CCDC138: variants seen among roughly 807,000 people sequenced by gnomAD.
CCDC138 encodes coiled-coil domain-containing protein 138.
CCDC138 carries 66 observed loss-of-function variants against 82.3 expected under a neutral mutation model. That is an observed-to-expected ratio of 0.80 (90% confidence interval 0.66 to 0.98). The LOEUF (loss-of-function observed/expected upper bound fraction) is 0.98. Among genes scored for constraint, CCDC138 ranks in the 50% least tolerant of loss-of-function variants. The pLI, the probability that CCDC138 is intolerant of heterozygous loss-of-function variation, is 0.00. For missense variants in CCDC138, 816 were observed against 758.9 expected (o/e 1.08, Z -0.88); for synonymous variants, 297 against 265.4 (o/e 1.12, Z -1.16).
At chr2:108,787,938 A>G in intron 1 of CCDC138, 94 bp from the exon 2 acceptor site, 1 of 1,079,856 alleles carries the variant, frequency 9.3e-7, no homozygotes, top group Non-Finnish European at 1.3e-6. Flanking sequence ...CTCCACTCTA[A>G]CCTTTGTAAT....
chr2:108,789,873 TAATGCTA>T (rs990136754), intron 3 of CCDC138, among the ~76,000 whole-genome samples: 3 of 152,218 alleles, frequency 2.0e-5, no homozygotes, highest in African/African-American at 7.2e-5. Flanking sequence ...GGATATTATT[TAATGCTA>T]AAAATATGTG....
intron 13 of CCDC138, among the ~76,000 whole-genome samples, chr2:108,862,797 G>T (rs140445412): frequency 1.5e-4 from 23 of 150,506 alleles, no homozygotes; most frequent in African/African-American, 5.4e-4. Flanking sequence ...GCCACCTTTT[G>T]TTTTTTTTTA....
intron 10 of CCDC138, among the ~76,000 whole-genome samples, chr2:108,834,458 A>C (rs892626606): frequency 6.7e-6 from 1 of 150,154 alleles, no homozygotes; most frequent in African/African-American, 2.5e-5. Flanking sequence ...TAGGTGATCC[A>C]CACGCCTTGG....
chr2:108,800,333 C>T (rs1681686238), intron 6 of CCDC138, among the ~76,000 whole-genome samples: 1 of 152,106 alleles, frequency 6.6e-6, no homozygotes, highest in Non-Finnish European at 1.5e-5. Flanking sequence ...GGCACGATCT[C>T]GGCTCACTAC....
rs112984553 is a variant in CCDC138 at position 108,822,996 on chromosome 2, T to A, written c.1206+6891T>A. Among the ~76,000 whole-genome samples the A allele has an allele frequency of 4.1e-3, 623 of 152,064 alleles. 7 individuals are homozygous for A. Among genetic ancestry groups the A allele is most frequent in the African/African-American group, 0.015 (603 of 41,492 alleles). ...AAGCAATGCCACAGAAATAAAAAGG[T>A]TTATAAGACAATGTTATCAACAATT... On this transcript the variant is annotated intron_variant, in intron 10 of 14. Coordinates refer to ENST00000295124, the MANE Select transcript of CCDC138 (RefSeq NM_144978.3).
Position 108,798,497 on chromosome 2 carries a change from G to A in CCDC138, c.646G>A (p.Glu216Lys). The A allele has an allele frequency of 6.2e-7, 1 of 1,613,960 alleles. No individual in the cohort carries two copies. The highest frequency in any genetic ancestry group is 8.5e-7 in the Non-Finnish European group (1 of 1,179,918). ...GCGAGAACGTTTTTTACTTGAAAGA[G>A]AACAACTGCTTTTCAGACATGAAAA... ...QKRERFLLER[E>K]QLLFRHENAL... is the part of the protein sequence containing the mutation. The change falls in exon 6 of 15, where the codon GAA (glutamate) becomes AAA (lysine). Residue 216 changes from glutamate to lysine, a missense_variant. Glu to Lys is a moderately conservative substitution (Grantham distance 56). Transcript: ENST00000295124.
chr2:108,833,120 G>A (rs1240724114), intron 10 of CCDC138, among the ~76,000 whole-genome samples: 1 of 152,208 alleles, frequency 6.6e-6, no homozygotes, highest in Non-Finnish European at 1.5e-5. Flanking sequence ...AGAAAGAGGA[G>A]CAGAGCACAG....
At chr2:108,837,357 C>T (rs962814667) in intron 10 of CCDC138, among the ~76,000 whole-genome samples, 2 of 152,136 alleles carry the variant, frequency 1.3e-5, no homozygotes, top group Non-Finnish European at 2.9e-5. Context: ...AAATGTTGAA[C>T]CGTCCTTGCA....
chr2:108,829,979 T>A (rs1197245600), intron 10 of CCDC138, among the ~76,000 whole-genome samples: 1 of 150,820 alleles, frequency 6.6e-6, no homozygotes, highest in African/African-American at 2.5e-5. Flanking sequence ...ACCAAGTTTA[T>A]AGCAAGATTA....
intron 11 of CCDC138, among the ~76,000 whole-genome samples, chr2:108,841,004 T>TTTTGTTTG (rs374254343): frequency 5.9e-4 from 89 of 151,598 alleles, no homozygotes; most frequent in African/African-American, 2.0e-3. Flanking sequence ...TGTGTGTGTT[T>TTTTGTTTG]TTTGTTTGTT....
chr2:108,858,965 C>G (rs140202179), intron 13 of CCDC138, among the ~76,000 whole-genome samples: 1 of 152,166 alleles, frequency 6.6e-6, no homozygotes, highest in Admixed American at 6.5e-5. Flanking sequence ...ATTTTGAATA[C>G]AGCTGCTGCA....
At chr2:108,869,076 G>A (rs9646951) in intron 13 of CCDC138, among the ~76,000 whole-genome samples, 6,731 of 151,626 alleles carry the variant, frequency 0.044, 217 homozygotes, top group Non-Finnish European at 0.07. Context: ...TATTGTACAT[G>A]CTCAAGCAGA....
chr2:108,857,141 C>T (rs1407419436), intron 13 of CCDC138, among the ~76,000 whole-genome samples, 171 bp downstream of exon 13: 3 of 120,594 alleles, frequency 2.5e-5, no homozygotes, highest in Admixed American at 1.2e-4. Flanking sequence ...TGCAGTGGCA[C>T]GATCTCAGCT....
Position 108,839,220 on chromosome 2 carries a change from G to A in CCDC138, c.1242G>A (p.Met414Ile), listed in dbSNP as rs1200855267. ...LPLMTEQLQWMPFVNIKLHEP... is the reference protein window; with the variant it reads ...LPLMTEQLQWIPFVNIKLHEP... ...TAATGACAGAGCAGCTACAGTGGAT[G>A]CCATTTGTGAATATCAAACTTCACG... The change falls in exon 11 of 15, where the codon ATG becomes ATA. Residue 414 changes from methionine to isoleucine, a missense_variant. Physicochemically the swap from Met to Ile is conservative, Grantham distance 10 (BLOSUM62 1). Coordinates refer to ENST00000295124, the MANE Select transcript of CCDC138 (RefSeq NM_144978.3). 1.2e-6 allele frequency: 2 copies of A among 1,611,960 alleles called. No individual in the cohort carries two copies. Among genetic ancestry groups the A allele is most frequent in the Admixed American group, 1.7e-5 (1 of 59,872 alleles).
downstream of CCDC138, among the ~76,000 whole-genome samples, chr2:108,881,053 TGTG>T (rs1446669257): frequency 6.6e-6 from 1 of 152,172 alleles, no homozygotes; most frequent in African/African-American, 2.4e-5. Flanking sequence ...TAACTGCCGA[TGTG>T]GTGGGAATTG....
chr2:108,873,510 G>A lies in CCDC138; in HGVS notation c.1753G>A (p.Val585Met). The A allele has an allele frequency of 6.2e-7, 1 of 1,612,260 alleles. No homozygotes were observed. Among genetic ancestry groups the A allele is most frequent in the Non-Finnish European group, 8.5e-7 (1 of 1,179,132 alleles). The stretch of plus-strand genomic sequence containing the variant: ...CTCTTTATTTTTTCGTACTTGCTCT[G>A]TGCTGCTTCGAGCCCCTAAGCTTGA... The part of the protein sequence containing the change: ...SNSLFFRTCS[V>M]LLRAPKLDLQ... Residue 585 changes from valine (V) to methionine (M), a missense_variant, in exon 14 of 15, where the codon GTG becomes ATG. Transcript: ENST00000295124.
At chr2:108,818,516 A>G (rs1685150912) in intron 10 of CCDC138, among the ~76,000 whole-genome samples, 1 of 152,176 alleles carries the variant, frequency 6.6e-6, no homozygotes, top group Non-Finnish European at 1.5e-5. Flanking sequence ...ATTACTATAT[A>G]ATAATAAAGG....
chr2:108,863,753 C>G (rs919493179), intron 13 of CCDC138, among the ~76,000 whole-genome samples: 2 of 152,196 alleles, frequency 1.3e-5, no homozygotes, highest in Non-Finnish European at 1.5e-5. Context: ...CATTGGCATT[C>G]TTTCCCAGCA....
At chr2:108,814,123 G>A (rs565588579) in intron 9 of CCDC138, among the ~76,000 whole-genome samples, 13 of 152,234 alleles carry the variant, frequency 8.5e-5, no homozygotes, top group African/African-American at 3.1e-4. Flanking sequence ...CAATTTCTGG[G>A]TCATAAGGTC....
Sources: allele counts gnomAD v4.1 joint callset (sites outside exome capture counted in the v4.1 genomes callset), GRCh38; gene constraint gnomAD v4.1.1; transcripts MANE v1.5; gene names NCBI Gene and HGNC (gene_info 2026-07-23, HGNC 2026-07-21).